Variants in RTKN2 observed in about 807,000 individuals in gnomAD.
RTKN2 encodes the protein rhotekin 2.
Under a neutral mutation model 71.5 loss-of-function variants are expected in RTKN2, and 69 were observed. The ratio of observed to expected loss-of-function variants is 0.96; its 90% CI spans 0.79 to 1.18. RTKN2 has a LOEUF of 1.18. Ranked by LOEUF, RTKN2 falls within the 50% of genes most tolerant of loss-of-function variation. RTKN2 has a pLI of 0.00. For missense variants in RTKN2, 724 were observed against 719.7 expected (o/e 1.01, Z -0.07); for synonymous variants, 236 against 236.5 (o/e 1.00, Z 0.02).
chr10:62,204,378 T>C (rs779239298), intron 10 of RTKN2, among the ~76,000 whole-genome samples: 55 of 152,170 alleles, frequency 3.6e-4, no homozygotes, highest in Non-Finnish European at 7.1e-4. Flanking sequence ...GAAAATCCTA[T>C]GTGTGTGGTT....
At chr10:62,223,398 T>C in intron 6 of RTKN2, 66 bp from the exon 7 acceptor site, 1 of 933,038 alleles carries the variant, frequency 1.1e-6, no homozygotes, top group South Asian at 1.4e-5. Flanking sequence ...AAAATATTTG[T>C]ATGTTCAACA....
chr10:62,256,047 C>G lies in RTKN2; in HGVS notation c.257+6578G>C, dbSNP rs1399656041. ...CTTTTTTTTTTTTTTGAGACAGGGT[C>G]TTACTCTGACGCCCAGGCTGGAGTG... On this transcript the variant is annotated intron_variant, in intron 2 of 11. Coordinates refer to ENST00000373789, the MANE Select transcript of RTKN2 (RefSeq NM_145307.4). Among the ~76,000 whole-genome samples, 6 of 145,898 alleles carry G rather than the reference C, an allele frequency of 4.1e-5. No individual in the cohort carries two copies. In the East Asian group the frequency reaches 1.2e-3, roughly 29 times the overall value.
At chr10:62,238,165 T>C (rs1315063362) in intron 5 of RTKN2, 1 of 151,994 alleles carries the variant, frequency 6.6e-6, no homozygotes, top group African/African-American at 2.4e-5. Context: ...GCTATTTTTA[T>C]AGTTTATTAT....
chr10:62,260,201 A>G (rs1295477462), intron 2 of RTKN2, among the ~76,000 whole-genome samples: 2 of 152,228 alleles, frequency 1.3e-5, no homozygotes, highest in African/African-American at 4.8e-5. Flanking sequence ...TGCTGAATAT[A>G]CAATATTGTC....
chr10:62,208,795 A>C (rs188122202), intron 9 of RTKN2, among the ~76,000 whole-genome samples: 142 of 152,318 alleles, frequency 9.3e-4, no homozygotes, highest in African/African-American at 3.3e-3. Flanking sequence ...AACGAATGTA[A>C]AAATACTACC....
chr10:62,236,138 G>A lies in RTKN2; in HGVS notation c.614C>T (p.Thr205Ile), dbSNP rs1410522439. The change falls in exon 6 of 12, where the codon ACA becomes ATA. Residue 205 changes from threonine (T) to isoleucine (I), a missense_variant. Coordinates refer to ENST00000373789, the MANE Select transcript of RTKN2 (RefSeq NM_145307.4). ...AAGCACTGAACTTATTTTCTTTCCT[G>A]TAGCTTTACTTATAGATGTCTTGAG... is the stretch of plus-strand genomic sequence containing the variant. ...KKLKTSISKA[T>I]GKKISSVLQE... The A allele has an allele frequency of 1.2e-6, 2 of 1,612,484 alleles. No homozygotes were observed. Among genetic ancestry groups the A allele is most frequent in the Non-Finnish European group, 8.5e-7 (1 of 1,179,088 alleles).
chr10:62,222,562 G>A (rs1006010260), intron 7 of RTKN2, among the ~76,000 whole-genome samples: 1 of 152,052 alleles, frequency 6.6e-6, no homozygotes, highest in Admixed American at 6.6e-5. Flanking sequence ...AGTATAATTA[G>A]GACTTTACCA....
rs533905652 is a variant in RTKN2 at position 62,195,033 on chromosome 10, G to A, written c.*2875C>T. Reference sequence around the variant, plus strand: ...GGTGTGCATTTAGAATTTTAAAAATGCCTTCTTTGCCCTTGCAAGATATTA... The same window carrying A: ...GGTGTGCATTTAGAATTTTAAAAATACCTTCTTTGCCCTTGCAAGATATTA... On this transcript the variant is annotated 3_prime_UTR_variant, in exon 12 of 12. Transcript: ENST00000373789. 59 of 984,938 alleles carry A rather than the reference G, an allele frequency of 6.0e-5. No individual in the cohort carries two copies. The South Asian group carries it at 2.5e-3, about 42-fold the overall frequency. 61.0% of individuals were successfully genotyped at this position (984,938 alleles called of 1,614,324 possible).
At chr10:62,235,154 G>T (rs545493674) in intron 6 of RTKN2, among the ~76,000 whole-genome samples, 8 of 152,150 alleles carry the variant, frequency 5.3e-5, no homozygotes, top group African/African-American at 1.9e-4. Context: ...AATTGTAGTA[G>T]GCTAAAAGAA....
At chr10:62,221,775 A>G (rs529971755) in intron 7 of RTKN2, among the ~76,000 whole-genome samples, 31 of 152,278 alleles carry the variant, frequency 2.0e-4, no homozygotes, top group African/African-American at 7.5e-4. Context: ...GGTGAATAAA[A>G]CTGACTAATC....
intron 9 of RTKN2, chr10:62,215,027 A>G (rs1473305633): frequency 2.1e-6 from 3 of 1,425,298 alleles, no homozygotes; most frequent in East Asian, 2.5e-5. Context: ...TGCTTTGCCT[A>G]CCTTAAAGGA....
chr10:62,192,320 C>T (rs1049800652), downstream of RTKN2, among the ~76,000 whole-genome samples: 11 of 152,152 alleles, frequency 7.2e-5, no homozygotes, highest in African/African-American at 2.7e-4. Context: ...ATAAGCTGTA[C>T]TCACTCTCAT....
At chr10:62,240,254 G>GAAA (rs11385726) in intron 4 of RTKN2, among the ~76,000 whole-genome samples, 1 of 145,806 alleles carries the variant, frequency 6.9e-6, no homozygotes, top group East Asian at 2.0e-4. Context: ...GAAACCACAA[G>GAAA]AAAAAAAAAA....
At chr10:62,236,905 T>TA (rs71470802) in intron 5 of RTKN2, among the ~76,000 whole-genome samples, 63 of 144,908 alleles carry the variant, frequency 4.3e-4, no homozygotes, top group Admixed American at 7.6e-4. Context: ...TGTGGAATAT[T>TA]AAAAAAAAAA....
chr10:62,202,935 C>A (rs573233568), intron 10 of RTKN2, among the ~76,000 whole-genome samples: 1 of 152,182 alleles, frequency 6.6e-6, no homozygotes, highest in East Asian at 1.9e-4. Context: ...CTGAGGTGGG[C>A]GGATCACCTG....
At chr10:62,184,806 T>A (rs1039089316) in intron 8 of RTKN2, among the ~76,000 whole-genome samples, 7 of 152,342 alleles carry the variant, frequency 4.6e-5, no homozygotes, top group South Asian at 2.1e-4. Flanking sequence ...TTATATTTTA[T>A]AATTTCTTAA....
chr10:62,230,418 C>A (rs1032457060), intron 6 of RTKN2, among the ~76,000 whole-genome samples: 1 of 152,212 alleles, frequency 6.6e-6, no homozygotes, highest in Admixed American at 6.5e-5. Flanking sequence ...TTCAGGTGAT[C>A]CACCCACCTC....
chr10:62,267,715 A>G (rs762098295), intron 1 of RTKN2, among the ~76,000 whole-genome samples: 1 of 152,186 alleles, frequency 6.6e-6, no homozygotes, highest in Non-Finnish European at 1.5e-5. Flanking sequence ...TATTCTACCA[A>G]TTTTGACCTA....
intron 6 of RTKN2, 139 bp downstream of exon 6, chr10:62,235,927 T>C: frequency 3.1e-6 from 2 of 651,014 alleles, no homozygotes; most frequent in South Asian, 2.0e-5. Flanking sequence ...CTCAGTTGAG[T>C]AAATGTCAAA....
Sources: allele counts gnomAD v4.1 joint callset (sites outside exome capture counted in the v4.1 genomes callset), GRCh38; gene constraint gnomAD v4.1.1; transcripts MANE v1.5; gene names NCBI Gene and HGNC (gene_info 2026-07-23, HGNC 2026-07-21).